The following PCLAF variants were observed in gnomAD, a reference collection of about 807,000 sequenced individuals.
The protein encoded by PCLAF is PCNA clamp associated factor.
In PCLAF, 12 loss-of-function variants were observed where a neutral mutation model predicts 15.1. The observed-to-expected ratio is 0.79, with a 90% CI of 0.51 to 1.29. The LOEUF (loss-of-function observed/expected upper bound fraction) is 1.29. PCLAF is among the 50% of genes most tolerant of loss of function. PCLAF has a pLI of 0.00. For missense variants in PCLAF, 116 were observed against 130.9 expected (o/e 0.89, Z 0.56); for synonymous variants, 33 against 47.1 (o/e 0.70, Z 1.22).
chr15:64,376,789 T>C lies in PCLAF; in HGVS notation c.244A>G (p.Ile82Val). The C allele has an allele frequency of 6.2e-7, 1 of 1,613,958 alleles. No individual in the cohort carries two copies. The highest frequency in any genetic ancestry group is 1.7e-5 in the Admixed American group (1 of 59,984). Residue 82 changes from isoleucine (I) to valine (V), a missense_variant, in exon 3 of 4, where the codon ATT (isoleucine) becomes GTT (valine). Ile to Val is a conservative substitution (Grantham distance 29, BLOSUM62 3). Transcript: ENST00000300035. Reference protein sequence around the residue: ...SPKDSEKENQIPEEAGSSGLG... With the variant: ...SPKDSEKENQVPEEAGSSGLG... Reference sequence around the variant, plus strand: ...CCACTGCTTCCTGCCTCTTCAGGAATCTGATTCTCTTTTTCAGAATCTTTA... The same window carrying C: ...CCACTGCTTCCTGCCTCTTCAGGAACCTGATTCTCTTTTTCAGAATCTTTA...
chr15:64,368,290 G>T (rs905772611), intron 3 of PCLAF, among the ~76,000 whole-genome samples: 44 of 151,672 alleles, frequency 2.9e-4, no homozygotes, highest in African/African-American at 1.0e-3. Flanking sequence ...CTCCAGCCTG[G>T]GCAACAAGAG....
chr15:64,385,415 C>T (rs555095877), upstream of PCLAF, among the ~76,000 whole-genome samples: 32 of 152,058 alleles, frequency 2.1e-4, no homozygotes, highest in Non-Finnish European at 2.5e-4. Flanking sequence ...CACCTAAAGT[C>T]GGGAGTTTGA....
intron 3 of PCLAF, chr15:64,373,675 G>A (rs755939338): frequency 7.8e-6 from 12 of 1,534,248 alleles, no homozygotes; most frequent in Non-Finnish European, 1.0e-5. Flanking sequence ...GACCCAGAAT[G>A]AGCATCGCCA....
At chr15:64,377,749 T>G (rs1425996767) in intron 2 of PCLAF, among the ~76,000 whole-genome samples, 229 of 9,490 alleles carry the variant, frequency 0.024, no homozygotes, top group African/African-American at 0.04. Context: ...TTCCTGGTGT[T>G]TTTTTTTTTT....
At chr15:64,381,116 G>T in intron 1 of PCLAF, 78 bp from the exon 2 acceptor site, 2 of 1,414,664 alleles carry the variant, frequency 1.4e-6, no homozygotes, top group South Asian at 2.3e-5. Context: ...CAGCAGCTTG[G>T]AGAGGAGAGC....
chr15:64,373,844 A>G, intron 3 of PCLAF: 3 of 1,369,792 alleles, frequency 2.2e-6, no homozygotes, highest in South Asian at 1.3e-5. Context: ...CTTTCCTCCT[A>G]CATCCAGACA....
upstream of PCLAF, among the ~76,000 whole-genome samples, chr15:64,384,293 C>G (rs1899891238): frequency 6.6e-6 from 1 of 152,022 alleles, no homozygotes; most frequent in African/African-American, 2.4e-5. Context: ...GCCACCACAT[C>G]CAGCTAACTT....
chr15:64,376,742 C>G lies in PCLAF; in HGVS notation c.290+1G>C. 6.2e-7 allele frequency: 1 copy of G among 1,608,040 alleles called. No homozygotes were observed. Among genetic ancestry groups the G allele is most frequent in the Non-Finnish European group, 8.5e-7 (1 of 1,177,158 alleles). Reference sequence around the variant, plus strand: ...TTATATTCCAGAATATAAAAACTTACTTTCTCTTTGCTTTTCCTAAGCCAC... The same window carrying G: ...TTATATTCCAGAATATAAAAACTTAGTTTCTCTTTGCTTTTCCTAAGCCAC... On this transcript the variant is annotated splice_donor_variant, in intron 3 of 3. Transcript: ENST00000300035. LOFTEE classifies it high-confidence loss of function.
intron 1 of PCLAF, 128 bp downstream of exon 1, chr15:64,381,198 C>A (rs1316609592): frequency 1.4e-5 from 17 of 1,237,614 alleles, no homozygotes; most frequent in African/African-American, 3.0e-5. Context: ...AGGGGCCAGG[C>A]GGCTACTCCC....
chr15:64,369,243 C>T (rs919525275), intron 3 of PCLAF, among the ~76,000 whole-genome samples: 1 of 151,762 alleles, frequency 6.6e-6, no homozygotes, highest in Non-Finnish European at 1.5e-5. Flanking sequence ...CATCTATAGT[C>T]CCAGCTACTC....
chr15:64,382,257 T>C (rs1169389314), upstream of PCLAF, among the ~76,000 whole-genome samples: 2 of 151,508 alleles, frequency 1.3e-5, no homozygotes, highest in African/African-American at 4.8e-5. Flanking sequence ...CCGGGTGCAG[T>C]GGCATGTTCC....
intron 1 of PCLAF, among the ~76,000 whole-genome samples, chr15:64,387,187 C>G (rs1477623630): frequency 6.6e-6 from 1 of 151,730 alleles, no homozygotes; most frequent in Non-Finnish European, 1.5e-5. Flanking sequence ...ACACTCCATC[C>G]CGGTTAACAC....
intron 3 of PCLAF, among the ~76,000 whole-genome samples, chr15:64,368,449 C>CA: frequency 6.6e-6 from 1 of 152,090 alleles, no homozygotes. Flanking sequence ...TTCCTTTGTG[C>CA]AAGCGCCTGA....
In PCLAF at chr15:64,387,442, C is replaced by T. The variant is rs560808901; in HGVS notation, n.241+5G>A. 3.9e-5 allele frequency: 48 copies of T among 1,224,948 alleles called. No individual in the cohort carries two copies. The African/African-American group carries it at 6.7e-4, about 17-fold the overall frequency. The allele number at this position is 1,224,948 out of a possible 1,614,324, so 75.9% of individuals were successfully genotyped here. A position where few individuals can be genotyped will look rare whatever the true frequency, so the allele number is the denominator to read the frequency against. On this transcript the variant is annotated splice_donor_5th_base_variant and intron_variant and non_coding_transcript_variant, in intron 1 of 1. Transcript: ENST00000558250. ...ATTAAAACCACCACCAGAGCAAAAA[C>T]TTACAGCGCTTACAATACCTTCCAC...
At position 64,381,365 on chromosome 15, in the gene PCLAF, G is replaced by A. The variant is rs11554317; in HGVS notation, c.7C>T (p.Arg3Trp). ...CCTGGAACACTGTCTGCTTTAGTCC[G>A]CACCATGTTCAAACAAGAAGAGAGG... MVRTKADSVPGTY... is the reference protein window; with the variant it reads MVWTKADSVPGTY... The change falls in exon 1 of 4, where the codon CGG (arginine) becomes TGG (tryptophan). Residue 3 changes from arginine to tryptophan, a missense_variant. By Grantham distance (101) the Arg-to-Trp change is moderately radical (BLOSUM62 -3). Coordinates refer to ENST00000300035, the MANE Select transcript of PCLAF (RefSeq NM_014736.6). 1 of 1,614,102 alleles carries A rather than the reference G, an allele frequency of 6.2e-7. No homozygotes were observed. The highest frequency in any genetic ancestry group is 8.5e-7 in the Non-Finnish European group (1 of 1,180,016).
At position 64,381,409 on chromosome 15, in the gene PCLAF, A is replaced by G. The variant is rs774145325; in HGVS notation, c.-38T>C. 3.7e-6 allele frequency: 6 copies of G among 1,614,046 alleles called. No homozygotes were observed. The highest frequency in any genetic ancestry group is 5.1e-6 in the Non-Finnish European group (6 of 1,180,014). The stretch of plus-strand genomic sequence containing the variant: ...AGAGAGGAGAGGAGAGAACGAACTG[A>G]CTTCCCAGCCGAGGGTGTTTCACTG... On this transcript the variant is annotated 5_prime_UTR_variant, in exon 1 of 4. Coordinates refer to ENST00000300035, the MANE Select transcript of PCLAF (RefSeq NM_014736.6).
At chr15:64,370,920 C>T (rs1340249685) in intron 3 of PCLAF, among the ~76,000 whole-genome samples, 2 of 127,688 alleles carry the variant, frequency 1.6e-5, no homozygotes, top group Non-Finnish European at 3.2e-5. Context: ...CTGGTCTTCA[C>T]TTTGCAAATA....
intron 3 of PCLAF, among the ~76,000 whole-genome samples, chr15:64,371,150 A>G (rs1389341570): frequency 6.6e-6 from 1 of 151,308 alleles, no homozygotes; most frequent in Non-Finnish European, 1.5e-5. Flanking sequence ...TTGTATTTTT[A>G]GTAGAGACAG....
chr15:64,373,492 T>G (rs1899441537), intron 3 of PCLAF: 1 of 771,484 alleles, frequency 1.3e-6, no homozygotes, highest in Non-Finnish European at 1.8e-6. Flanking sequence ...TTTCTTGACC[T>G]GCCTCTTAAT....
Sources: allele counts gnomAD v4.1 joint callset (sites outside exome capture counted in the v4.1 genomes callset), GRCh38; gene constraint gnomAD v4.1.1; transcripts MANE v1.5; gene names NCBI Gene and HGNC (gene_info 2026-07-23, HGNC 2026-07-21).